LMAN1: variants seen among roughly 807,000 people sequenced by gnomAD.
LMAN1 encodes the protein protein ERGIC-53.
Under a neutral mutation model 67.8 loss-of-function variants are expected in LMAN1, and 32 were observed. That is an observed-to-expected ratio of 0.47 (90% CI 0.36 to 0.63). LMAN1 has a LOEUF of 0.63. Ranked by LOEUF, LMAN1 falls within the 30% of genes least tolerant of loss-of-function variation. LMAN1 has a pLI of 0.00. For synonymous variants in LMAN1, 235 were observed against 219.3 expected (o/e 1.07, Z -0.63); for missense variants, 632 against 628.2 (o/e 1.01, Z -0.06).
At chr18:59,331,647 A>AT in intron 11 of LMAN1, 108 bp from the exon 12 acceptor site, 3 of 1,276,732 alleles carry the variant, frequency 2.3e-6, no homozygotes, top group Middle Eastern at 3.8e-4. Flanking sequence ...AAGTATTTTC[A>AT]TTTTTTCATC....
At position 59,330,742 on chromosome 18, in the gene LMAN1, T is replaced by G. The variant is rs2070742579; in HGVS notation, c.*351A>C. 9.1e-6 allele frequency: 2 copies of G among 219,876 alleles called. No individual in the cohort carries two copies. Among genetic ancestry groups the G allele is most frequent in the Non-Finnish European group, 1.8e-5 (2 of 111,360 alleles). The allele number at this position is 219,876 out of a possible 1,614,324, so 13.6% of individuals were successfully genotyped here. ...ATATTCTGGGAGGCATGAGGGCAAG[T>G]GTGTTTACGTTATACAGGGAAACCT... On this transcript the variant is annotated 3_prime_UTR_variant, in exon 13 of 13. Transcript: ENST00000251047.
rs188638703 is a variant in LMAN1, at chr18:59,340,629, A to G, written c.956-1676T>C. The stretch of plus-strand genomic sequence containing the variant: ...TCATTACCAGACCAGCATGACAGGA[A>G]ATGCTCAAAGCGGTCTTAAACATGG... On this transcript the variant is annotated intron_variant, in intron 8 of 12. Coordinates refer to ENST00000251047, the MANE Select transcript of LMAN1 (RefSeq NM_005570.4). Among the ~76,000 whole-genome samples, 11 of 152,338 alleles carry G rather than the reference A, an allele frequency of 7.2e-5. No homozygotes were observed. In the East Asian group the frequency reaches 2.1e-3, roughly 29 times the overall value.
intron 8 of LMAN1, among the ~76,000 whole-genome samples, chr18:59,341,175 T>C (rs1012842509): frequency 3.9e-5 from 6 of 152,178 alleles, no homozygotes; most frequent in African/African-American, 1.4e-4. Context: ...TCCTAATTTA[T>C]ATGCACCCAA....
At chr18:59,331,295 A>AT (rs2070745740) in intron 12 of LMAN1, 123 bp downstream of exon 12, 4 of 1,161,522 alleles carry the variant, frequency 3.4e-6, no homozygotes, top group South Asian at 1.3e-5. Flanking sequence ...ATGAACAGAA[A>AT]TCACAATAAA....
At chr18:59,342,087 A>G (rs1292963794) in intron 8 of LMAN1, among the ~76,000 whole-genome samples, 4 of 152,136 alleles carry the variant, frequency 2.6e-5, no homozygotes, top group East Asian at 1.9e-4. Context: ...GAGGAAATGG[A>G]TAAGTTCCTG....
Position 59,329,684 on chromosome 18 carries a change from C to A in LMAN1, c.*1409G>T, listed in dbSNP as rs1293147943. 1 of 152,060 alleles carries A rather than the reference C, an allele frequency of 6.6e-6. No individual in the cohort carries two copies. Among genetic ancestry groups the A allele is most frequent in the Non-Finnish European group, 1.5e-5 (1 of 67,990 alleles). 9.4% of individuals were successfully genotyped at this position (152,060 alleles called of 1,614,324 possible). On this transcript the variant is annotated 3_prime_UTR_variant, in exon 13 of 13. Coordinates refer to ENST00000251047, the MANE Select transcript of LMAN1 (RefSeq NM_005570.4). Reference sequence around the variant, plus strand: ...TTTGGTATTGCTATAATACAGAGTTCTTCAGAAAGTCTTTATATATAGATT... The same window carrying A: ...TTTGGTATTGCTATAATACAGAGTTATTCAGAAAGTCTTTATATATAGATT...
chr18:59,347,616 T>A (rs766430606), intron 6 of LMAN1, 45 bp from the exon 7 acceptor site: 1 of 1,238,044 alleles, frequency 8.1e-7, no homozygotes, highest in Non-Finnish European at 1.2e-6. Flanking sequence ...CCATAGGAGA[T>A]TACTTTTATC....
intron 10 of LMAN1, 102 bp downstream of exon 10, chr18:59,338,453 ACC>A: frequency 1.2e-6 from 1 of 844,856 alleles, no homozygotes; most frequent in East Asian, 2.6e-5. Flanking sequence ...CGGGATTCTT[ACC>A]CTCATGCAGA....
chr18:59,341,759 T>C (rs1908293191), intron 8 of LMAN1, among the ~76,000 whole-genome samples: 1 of 152,050 alleles, frequency 6.6e-6, no homozygotes, highest in Non-Finnish European at 1.5e-5. Flanking sequence ...CAATCTAACA[T>C]TATTCCTCTG....
At position 59,330,885 on chromosome 18, in the gene LMAN1, GA is replaced by G. The variant is rs2070743249; in HGVS notation, c.*207del. The stretch of plus-strand genomic sequence containing the variant: ...GCATCATACTGACCAGAAATTCACT[GA>G]AATTTAGACAGATTTACATACTGTG... On this transcript the variant is annotated 3_prime_UTR_variant, in exon 13 of 13. Coordinates refer to ENST00000251047, the MANE Select transcript of LMAN1 (RefSeq NM_005570.4). The G allele has an allele frequency of 1.8e-6, 1 of 566,044 alleles. No individual in the cohort carries two copies. The highest frequency in any genetic ancestry group is 1.9e-5 in the African/African-American group (1 of 52,786). 35.1% of individuals were successfully genotyped at this position (566,044 alleles called of 1,614,324 possible). A position where few individuals can be genotyped will look rare whatever the true frequency, so the allele number is the denominator to read the frequency against.
At chr18:59,339,886 AGTTTAATGGAG>A (rs568159415) in intron 8 of LMAN1, among the ~76,000 whole-genome samples, 1 of 152,180 alleles carries the variant, frequency 6.6e-6, no homozygotes, top group South Asian at 2.1e-4. Context: ...AAACACTGAG[AGTTTAATGGAG>A]GGTTGTGCCC....
chr18:59,328,811 G>T lies in LMAN1; in HGVS notation c.*2282C>A, dbSNP rs1169512639. The T allele has an allele frequency of 1.3e-5, 2 of 152,040 alleles. No homozygotes were observed. Among genetic ancestry groups the T allele is most frequent in the African/African-American group, 4.8e-5 (2 of 41,408 alleles). The allele number at this position is 152,040 out of a possible 1,614,324, so 9.4% of individuals were successfully genotyped here. On this transcript the variant is annotated 3_prime_UTR_variant, in exon 13 of 13. Transcript: ENST00000251047. ...TGACTTCATGGTAAAGTTTTAAGCT[G>T]AATAAAACATTCAAACAATTATTAG...
At chr18:59,354,186 T>G (rs1306737148) in intron 4 of LMAN1, among the ~76,000 whole-genome samples, 1 of 152,180 alleles carries the variant, frequency 6.6e-6, no homozygotes, top group Admixed American at 6.5e-5. Flanking sequence ...TCAACTTTAT[T>G]TTTTAAAGAT....
rs760343852 is a variant in LMAN1 at position 59,331,487 on chromosome 18, A to G, written c.1427T>C (p.Leu476Ser). Residue 476 changes from leucine to serine, a missense_variant, in exon 12 of 13, where the codon TTG becomes TCG. Coordinates refer to ENST00000251047, the MANE Select transcript of LMAN1 (RefSeq NM_005570.4). Reference protein sequence around the residue: ...CPELPPFPSCLSTVHFIIFVV... With the variant: ...CPELPPFPSCSSTVHFIIFVV... ...AAATATAATGAAGTGGACCGTAGAC[A>G]AACATGATGGAAATGGTGGTAGTTC... 1 of 1,612,522 alleles carries G rather than the reference A, an allele frequency of 6.2e-7. No homozygotes were observed. Among genetic ancestry groups the G allele is most frequent in the Non-Finnish European group, 8.5e-7 (1 of 1,178,678 alleles).
Position 59,355,623 on chromosome 18 carries a change from G to A in LMAN1, c.250C>T (p.Pro84Ser), listed in dbSNP as rs1228803861. 1.2e-6 allele frequency: 2 copies of A among 1,613,984 alleles called. No homozygotes were observed. Among genetic ancestry groups the A allele is most frequent in the Admixed American group, 1.7e-5 (1 of 60,016 alleles). The change falls in exon 2 of 13, where the codon CCA (proline) becomes TCA (serine). Residue 84 changes from proline to serine, a missense_variant. Transcript: ENST00000251047. ...IPSSDQIRVA[P>S]SLKSQRGSVW... ...GAGCCTCTTTGGCTTTTTAAAGATG[G>A]TGCTACTCGAATTTGATCTGAACTT...
chr18:59,332,168 A>T (rs987159954), intron 11 of LMAN1, among the ~76,000 whole-genome samples: 2 of 152,122 alleles, frequency 1.3e-5, no homozygotes, highest in Admixed American at 6.6e-5. Context: ...TGTTCCCAAT[A>T]TAGTTATATT....
chr18:59,342,151 A>G (rs1433865541), intron 8 of LMAN1, among the ~76,000 whole-genome samples: 1 of 152,064 alleles, frequency 6.6e-6, no homozygotes, highest in African/African-American at 2.4e-5. Context: ...TCCTGAACAG[A>G]TCAATAATGA....
intron 11 of LMAN1, among the ~76,000 whole-genome samples, chr18:59,332,286 T>C (rs1027940547): frequency 1.3e-5 from 2 of 151,598 alleles, no homozygotes; most frequent in Non-Finnish European, 3.0e-5. Context: ...AGGGGACAGA[T>C]AATAATGCTT....
At chr18:59,334,184 TC>T (rs1908091589) in intron 10 of LMAN1, among the ~76,000 whole-genome samples, 1 of 152,234 alleles carries the variant, frequency 6.6e-6, no homozygotes, top group African/African-American at 2.4e-5. Flanking sequence ...AAATTCTGCT[TC>T]CCAGAAGCAT....
Sources: allele counts gnomAD v4.1 joint callset (sites outside exome capture counted in the v4.1 genomes callset), GRCh38; gene constraint gnomAD v4.1.1; transcripts MANE v1.5; gene names NCBI Gene and HGNC (gene_info 2026-07-23, HGNC 2026-07-21).